The following NR1H4 variants were observed in gnomAD, a reference collection of about 807,000 sequenced individuals.
The protein encoded by NR1H4 is nuclear receptor subfamily 1 group H member 4, also known as bile acid receptor.
In NR1H4, 23 loss-of-function variants were observed where a neutral mutation model predicts 58.5. That is an observed-to-expected ratio of 0.39 (90% CI 0.28 to 0.56). NR1H4 has a LOEUF of 0.56. Among genes scored for constraint, NR1H4 ranks in the 20% least tolerant of loss-of-function variants. The pLI is 0.58. For synonymous variants in NR1H4, 214 were observed against 198.0 expected, an observed-to-expected ratio of 1.08 and a Z score of -0.68; for missense variants, 487 against 576.9, an observed-to-expected ratio of 0.84 and a Z score of 1.60.
chr12:100,527,318 A>G (rs1259034910), intron 4 of NR1H4, among the ~76,000 whole-genome samples: 6 of 152,242 alleles, frequency 3.9e-5, no homozygotes, highest in African/African-American at 1.4e-4. Context: ...GCTTGAGCCC[A>G]GGAGTGAGAG....
intron 9 of NR1H4, among the ~76,000 whole-genome samples, chr12:100,560,513 A>G (rs1017377086): frequency 6.6e-6 from 1 of 152,076 alleles, no homozygotes; most frequent in Non-Finnish European, 1.5e-5. Context: ...CACTCACCGC[A>G]AAGGTCTGCA....
chr12:100,497,316 A>G (rs938523416), intron 3 of NR1H4, among the ~76,000 whole-genome samples: 2 of 152,206 alleles, frequency 1.3e-5, no homozygotes, highest in African/African-American at 4.8e-5. Flanking sequence ...CAGAAAGCAT[A>G]GGAACGTGCG....
intron 3 of NR1H4, 33 bp from the exon 4 acceptor site, chr12:100,510,745 A>T (rs1303786318): frequency 6.2e-7 from 1 of 1,612,798 alleles, no homozygotes; most frequent in African/African-American, 1.3e-5. Context: ...GAATGATGAC[A>T]TTCATTCCAG....
At chr12:100,497,542 T>A (rs1294260381) in intron 3 of NR1H4, among the ~76,000 whole-genome samples, 1 of 152,140 alleles carries the variant, frequency 6.6e-6, no homozygotes, top group African/African-American at 2.4e-5. Flanking sequence ...TTGCCAGACA[T>A]CCCTGACAAA....
At chr12:100,512,596 A>G (rs1243117681) in intron 4 of NR1H4, among the ~76,000 whole-genome samples, 5 of 151,754 alleles carry the variant, frequency 3.3e-5, no homozygotes, top group Non-Finnish European at 5.9e-5. Flanking sequence ...AGCCGAGATC[A>G]CGCCACTGCA....
chr12:100,502,891 G>A (rs947102972), intron 3 of NR1H4, among the ~76,000 whole-genome samples: 6 of 152,086 alleles, frequency 3.9e-5, no homozygotes, highest in South Asian at 2.1e-4. Context: ...TCACTACCAC[G>A]AGAACAGTGT....
chr12:100,559,266 C>A (rs1362374812), intron 9 of NR1H4, among the ~76,000 whole-genome samples: 2 of 152,232 alleles, frequency 1.3e-5, no homozygotes, highest in Admixed American at 1.3e-4. Context: ...TCTGCCTGGG[C>A]TCCCACTTTG....
chr12:100,535,430 C>T (rs547498693), intron 6 of NR1H4, among the ~76,000 whole-genome samples: 14 of 152,254 alleles, frequency 9.2e-5, no homozygotes, highest in African/African-American at 2.9e-4. Context: ...GGTGAATACA[C>T]GTATGTGGAT....
At chr12:100,512,467 C>T (rs577607123) in intron 4 of NR1H4, among the ~76,000 whole-genome samples, 17 of 152,030 alleles carry the variant, frequency 1.1e-4, no homozygotes, top group African/African-American at 4.1e-4. Flanking sequence ...GGTGAAACCC[C>T]GTCTCTACTA....
chr12:100,510,746 T>G (rs1358203511), intron 3 of NR1H4, 32 bp from the exon 4 acceptor site: 1 of 1,612,928 alleles, frequency 6.2e-7, no homozygotes, highest in African/African-American at 1.3e-5. Context: ...AATGATGACA[T>G]TCATTCCAGT....
At chr12:100,482,282 TA>T (rs766466428) in intron 1 of NR1H4, among the ~76,000 whole-genome samples, 48 of 151,984 alleles carry the variant, frequency 3.2e-4, no homozygotes, top group Admixed American at 5.2e-4. Context: ...ACTTAGTTGT[TA>T]GATTTCTTTA....
chr12:100,487,888 A>G (rs12299009), intron 1 of NR1H4, among the ~76,000 whole-genome samples: 16,935 of 151,944 alleles, frequency 0.11, 1,979 homozygotes, highest in African/African-American at 0.29. Context: ...TTGGGATTAC[A>G]GGTGTGAACC....
chr12:100,511,930 A>AT (rs751264452), intron 4 of NR1H4, among the ~76,000 whole-genome samples: 1 of 141,688 alleles, frequency 7.1e-6, no homozygotes, highest in Non-Finnish European at 1.5e-5. Context: ...CTCAAAAAAT[A>AT]ATTTTTTTTT....
At chr12:100,499,737 A>G (rs907469336) in intron 3 of NR1H4, 3 of 412,970 alleles carry the variant, frequency 7.3e-6, no homozygotes, top group Non-Finnish European at 1.4e-5. Flanking sequence ...TATTGCAAAT[A>G]TATTAACTTA....
At chr12:100,553,160 A>G (rs946022786) in intron 9 of NR1H4, among the ~76,000 whole-genome samples, 9 of 151,956 alleles carry the variant, frequency 5.9e-5, no homozygotes, top group Non-Finnish European at 1.3e-4. Flanking sequence ...CACCACACCT[A>G]GCTAATTTGT....
intron 1 of NR1H4, among the ~76,000 whole-genome samples, chr12:100,486,512 C>T (rs1953495189): frequency 6.6e-6 from 1 of 152,068 alleles, no homozygotes; most frequent in South Asian, 2.1e-4. Context: ...CATGCTGTGC[C>T]CTTGAAAGGC....
At position 100,540,273 on chromosome 12, in the gene NR1H4, C is replaced by A. The variant is rs765276235; in HGVS notation, c.932-399C>A. 7.2e-5 allele frequency among the ~76,000 whole-genome samples: 11 copies of A among 152,096 alleles called. 1 individual carries two copies. The highest frequency in any genetic ancestry group is 1.0e-4 in the Non-Finnish European group (7 of 68,020). ...CTTGACTAAAGACTCATGAGTTAGC[C>A]AAATATTCTGGGTGCATATAAAGTT... On this transcript the variant is annotated intron_variant, in intron 8 of 10. Coordinates refer to ENST00000392986, the MANE Select transcript of NR1H4 (RefSeq NM_001206979.2).
At chr12:100,531,310 G>T in intron 4 of NR1H4, among the ~76,000 whole-genome samples, 1 of 152,082 alleles carries the variant, frequency 6.6e-6, no homozygotes, top group Middle Eastern at 3.2e-3. Flanking sequence ...ACAAAAATTA[G>T]TCGGCCGCGG....
intron 3 of NR1H4, among the ~76,000 whole-genome samples, chr12:100,495,746 A>AT (rs1292670389): frequency 1.3e-5 from 2 of 152,076 alleles, no homozygotes; most frequent in African/African-American, 4.8e-5. Flanking sequence ...CAAACAAAAA[A>AT]AAAACATACC....
Sources: allele counts gnomAD v4.1 joint callset (sites outside exome capture counted in the v4.1 genomes callset), GRCh38; gene constraint gnomAD v4.1.1; transcripts MANE v1.5; gene names NCBI Gene and HGNC (gene_info 2026-07-23, HGNC 2026-07-21).